Variants in BTBD8 observed in about 807,000 individuals in gnomAD.
BTBD8 encodes BTB/POZ domain-containing protein 8.
BTBD8 carries 110 observed loss-of-function variants against 162.9 expected under a neutral mutation model. The observed-to-expected ratio is 0.68, with a 90% CI of 0.58 to 0.79. The LOEUF (loss-of-function observed/expected upper bound fraction) is 0.79, where lower values mean the gene tolerates loss of function less well. Among genes scored for constraint, BTBD8 ranks in the 30% least tolerant of loss-of-function variants. The pLI, the probability that BTBD8 is intolerant of heterozygous loss-of-function variation, is 0.00. For synonymous variants in BTBD8, 667 were observed against 716.1 expected, an observed-to-expected ratio of 0.93 and a Z score of 1.10; for missense variants, 1,905 against 2,085.4, an observed-to-expected ratio of 0.91 and a Z score of 1.68.
Position 92,177,548 on chromosome 1 carries a change from T to G in BTBD8, c.2353+2T>G, listed in dbSNP as rs1650758379. 1 of 1,517,358 alleles carries G rather than the reference T, an allele frequency of 6.6e-7. No homozygotes were observed. Among genetic ancestry groups the G allele is most frequent in the Non-Finnish European group, 8.9e-7 (1 of 1,128,014 alleles). The allele number at this position is 1,517,358 out of a possible 1,614,324, so 94.0% of individuals were successfully genotyped here. ...ATAGTGTCAAAAATTCCACTGTAGG[T>G]GGGTTTTAGCACTGTAATTTTTAAT... On this transcript the variant is annotated splice_donor_variant, in intron 14 of 17. Transcript: ENST00000636805. LOFTEE classifies it high-confidence loss of function.
At chr1:92,113,579 C>T (rs1015938150) in intron 4 of BTBD8, among the ~76,000 whole-genome samples, 1 of 152,218 alleles carries the variant, frequency 6.6e-6, no homozygotes, top group Admixed American at 6.5e-5. Flanking sequence ...CGCCTGTTTT[C>T]TAGGGCTAGA....
intron 12 of BTBD8, among the ~76,000 whole-genome samples, chr1:92,170,918 T>G (rs529806331): frequency 6.6e-6 from 1 of 152,056 alleles, no homozygotes; most frequent in East Asian, 1.9e-4. Context: ...ATTTTCTCTT[T>G]CCTCCTTCCT....
chr1:92,090,119 C>T (rs2101893908), intron 2 of BTBD8, among the ~76,000 whole-genome samples: 1 of 152,180 alleles, frequency 6.6e-6, no homozygotes, highest in Middle Eastern at 3.4e-3. Context: ...ACAAATTTTT[C>T]TGTGAACCTG....
At position 92,177,513 on chromosome 1, in the gene BTBD8, A is replaced by C; in HGVS notation, c.2320A>C (p.Asn774His). The C allele has an allele frequency of 1.9e-6, 3 of 1,549,720 alleles. No homozygotes were observed. The Middle Eastern group carries it at 5.0e-4, about 259-fold the overall frequency. The change falls in exon 14 of 18, where the codon AAC (asparagine) becomes CAC (histidine). Residue 774 changes from asparagine (N) to histidine (H), a missense_variant. Physicochemically the swap from Asn to His is moderately conservative, Grantham distance 68 (BLOSUM62 1). Coordinates refer to ENST00000636805, the MANE Select transcript of BTBD8 (RefSeq NM_001376131.1). ...TGATTCTCCAGGACAGATGATGAAAAACAGTGTAGATAGTGTCAAAAATTC... is the reference window on the plus strand; with the variant it reads ...TGATTCTCCAGGACAGATGATGAAACACAGTGTAGATAGTGTCAAAAATTC... ...FCDSPGQMMK[N>H]SVDSVKNSTV...
chr1:92,171,494 A>G, intron 13 of BTBD8, 34 bp downstream of exon 13: 1 of 1,246,676 alleles, frequency 8.0e-7, no homozygotes, highest in Non-Finnish European at 1.1e-6. Flanking sequence ...TACAAATGAA[A>G]AAGATAACAA....
chr1:92,176,193 G>T (rs1486352557), intron 13 of BTBD8, among the ~76,000 whole-genome samples: 2 of 152,082 alleles, frequency 1.3e-5, no homozygotes, highest in African/African-American at 4.8e-5. Flanking sequence ...AAAATTTCTG[G>T]CACTTGGAAT....
rs151204108 is a variant in BTBD8 at position 92,172,896 on chromosome 1, A to G, written c.1635+1436A>G. Reference sequence around the variant, plus strand: ...ATACGAGCTCCATCTAGCATCAACTATAAGTTGGAGAGTAGCTACACACCA... The same window carrying G: ...ATACGAGCTCCATCTAGCATCAACTGTAAGTTGGAGAGTAGCTACACACCA... On this transcript the variant is annotated intron_variant, in intron 13 of 17. Transcript: ENST00000636805. 1.8e-3 allele frequency among the ~76,000 whole-genome samples: 268 copies of G among 152,286 alleles called. 3 individuals are homozygous for G. The highest frequency in any genetic ancestry group is 5.9e-3 in the African/African-American group (244 of 41,576).
intron 9 of BTBD8, among the ~76,000 whole-genome samples, chr1:92,155,378 A>G (rs987366681): frequency 3.3e-5 from 5 of 152,134 alleles, no homozygotes; most frequent in Admixed American, 6.5e-5. Context: ...AAGTCTTCCA[A>G]TCCATGAGTA....
At chr1:92,168,487 A>T (rs1309229280) in intron 11 of BTBD8, among the ~76,000 whole-genome samples, 2 of 152,156 alleles carry the variant, frequency 1.3e-5, no homozygotes, top group Non-Finnish European at 2.9e-5. Flanking sequence ...TTAATTAGGT[A>T]ATTACAAATT....
At chr1:92,086,872 C>T (rs1204751222) in intron 1 of BTBD8, among the ~76,000 whole-genome samples, 1 of 152,128 alleles carries the variant, frequency 6.6e-6, no homozygotes, top group Non-Finnish European at 1.5e-5. Flanking sequence ...GAACTGTGAA[C>T]CAATAAATGT....
intron 3 of BTBD8, among the ~76,000 whole-genome samples, chr1:92,106,122 AC>A (rs1570721238): frequency 6.6e-6 from 1 of 152,344 alleles, no homozygotes; most frequent in East Asian, 1.9e-4. Context: ...ATTGACCAAA[AC>A]CTTGGGCATT....
At chr1:92,090,638 T>A (rs1208612266) in intron 2 of BTBD8, among the ~76,000 whole-genome samples, 5 of 152,228 alleles carry the variant, frequency 3.3e-5, no homozygotes, top group African/African-American at 1.2e-4. Context: ...TTTAAATTCT[T>A]ATGTAGTCAG....
intron 2 of BTBD8, among the ~76,000 whole-genome samples, chr1:92,095,981 T>G (rs1408202544): frequency 6.6e-6 from 1 of 151,734 alleles, no homozygotes; most frequent in Non-Finnish European, 1.5e-5. Flanking sequence ...CTACTTTTTT[T>G]TTTTTTCTGA....
At chr1:92,104,195 G>A (rs1648668613) in intron 3 of BTBD8, among the ~76,000 whole-genome samples, 2 of 152,186 alleles carry the variant, frequency 1.3e-5, no homozygotes, top group African/African-American at 4.8e-5. Context: ...AAGTGTTAGA[G>A]CAGAATTGAT....
chr1:92,134,312 T>C (rs1303677546), intron 5 of BTBD8, among the ~76,000 whole-genome samples: 1 of 152,194 alleles, frequency 6.6e-6, no homozygotes. Context: ...CTTCAGTGTC[T>C]TCTCATTATA....
intron 16 of BTBD8, among the ~76,000 whole-genome samples, chr1:92,178,695 C>G (rs1006420215): frequency 5.9e-5 from 9 of 152,116 alleles, no homozygotes; most frequent in Non-Finnish European, 1.2e-4. Flanking sequence ...CTCTGTCACC[C>G]AGGCTGGAGT....
chr1:92,086,735 A>G (rs1474929097), intron 1 of BTBD8, among the ~76,000 whole-genome samples: 1 of 152,120 alleles, frequency 6.6e-6, no homozygotes, highest in African/African-American at 2.4e-5. Context: ...TGCGAGTGGT[A>G]GTGTTATAAA....
At chr1:92,121,769 A>G (rs1428363113) in intron 4 of BTBD8, among the ~76,000 whole-genome samples, 1 of 152,018 alleles carries the variant, frequency 6.6e-6, no homozygotes, top group Non-Finnish European at 1.5e-5. Context: ...AATGATTTTC[A>G]TGTGCTTATT....
chr1:92,155,947 G>T (rs939749821), intron 9 of BTBD8, among the ~76,000 whole-genome samples: 5 of 152,024 alleles, frequency 3.3e-5, no homozygotes, highest in African/African-American at 1.2e-4. Flanking sequence ...GATTGTTCTG[G>T]TTAGGGCTTC....
Sources: allele counts gnomAD v4.1 joint callset (sites outside exome capture counted in the v4.1 genomes callset), GRCh38; gene constraint gnomAD v4.1.1; transcripts MANE v1.5; gene names NCBI Gene and HGNC (gene_info 2026-07-23, HGNC 2026-07-21).